The following COLEC11 variants were observed in gnomAD, a reference collection of about 807,000 sequenced individuals.
The protein encoded by COLEC11 is collectin subfamily member 11.
Under a neutral mutation model 27.3 loss-of-function variants are expected in COLEC11, and 20 were observed. The observed-to-expected ratio is 0.73, with a 90% CI of 0.51 to 1.06. The LOEUF is 1.06. Ranked by LOEUF, COLEC11 falls within the 50% of genes least tolerant of loss-of-function variation. The pLI is 0.00. For missense variants in COLEC11, 310 were observed against 383.0 expected, an observed-to-expected ratio of 0.81 and a Z score of 1.59; for synonymous variants, 163 against 154.7, an observed-to-expected ratio of 1.05 and a Z score of -0.40.
At chr2:3,639,087 C>T (rs984146293) in intron 4 of COLEC11, among the ~76,000 whole-genome samples, 1 of 152,192 alleles carries the variant, frequency 6.6e-6, no homozygotes, top group Admixed American at 6.5e-5. Flanking sequence ...TAGTTGATTT[C>T]ACTTGGTGTA....
rs115903137 is a variant in COLEC11 at position 3,610,158 on chromosome 2, C to T, written c.131-3153C>T. On this transcript the variant is annotated intron_variant, in intron 2 of 6. Transcript: ENST00000349077. ...GCAAGGTGTGGTAAAGACACACTGG[C>T]GTGCCAGCACATCCCAGCTTGGACA... Among the ~76,000 whole-genome samples, 656 of 152,338 alleles carry T rather than the reference C, an allele frequency of 4.3e-3. 2 individuals carry two copies. Among genetic ancestry groups the T allele is most frequent in the African/African-American group, 8.4e-3 (350 of 41,564 alleles).
intron 3 of COLEC11, among the ~76,000 whole-genome samples, chr2:3,623,311 T>C (rs1164922694): frequency 1.3e-5 from 2 of 152,214 alleles, no homozygotes; most frequent in East Asian, 3.8e-4. Context: ...AAGCTTCATG[T>C]ACCTTGATGT....
At chr2:3,641,023 C>T (rs543806878) in intron 5 of COLEC11, among the ~76,000 whole-genome samples, 18 of 102,276 alleles carry the variant, frequency 1.8e-4, no homozygotes, top group African/African-American at 6.6e-4. Context: ...TGGACACCCA[C>T]CCACCATGTA....
chr2:3,619,874 C>T (rs1265685544), intron 3 of COLEC11, among the ~76,000 whole-genome samples: 3 of 152,314 alleles, frequency 2.0e-5, no homozygotes, highest in African/African-American at 7.2e-5. Flanking sequence ...GATCCACCTG[C>T]CTTGGCCTCC....
At chr2:3,636,189 G>A (rs912205259) in intron 3 of COLEC11, among the ~76,000 whole-genome samples, 2 of 152,074 alleles carry the variant, frequency 1.3e-5, no homozygotes, top group Admixed American at 1.3e-4. Context: ...CGGGCGCAGT[G>A]GCTCACGCCG....
chr2:3,606,694 C>T (rs1350611551), intron 2 of COLEC11, among the ~76,000 whole-genome samples: 4 of 152,178 alleles, frequency 2.6e-5, no homozygotes, highest in African/African-American at 9.7e-5. Flanking sequence ...ACGTGCCCCG[C>T]GAGTCCGCAA....
chr2:3,625,015 T>A (rs1664432787), intron 3 of COLEC11, among the ~76,000 whole-genome samples: 1 of 152,216 alleles, frequency 6.6e-6, no homozygotes, highest in Admixed American at 6.5e-5. Flanking sequence ...TCATTAAACA[T>A]ACATTGACTA....
chr2:3,629,157 C>G (rs1027885863), intron 3 of COLEC11, among the ~76,000 whole-genome samples: 1 of 152,146 alleles, frequency 6.6e-6, no homozygotes, highest in Non-Finnish European at 1.5e-5. Flanking sequence ...CACTACTGTC[C>G]GGCCAAGGGT....
chr2:3,604,282 T>C, intron 1 of COLEC11, 33 bp from the exon 2 acceptor site: 1 of 1,612,012 alleles, frequency 6.2e-7, no homozygotes, highest in Non-Finnish European at 8.5e-7. Flanking sequence ...GCTGTTGCAG[T>C]TCCCATCACT....
chr2:3,638,988 C>T (rs1021288856), intron 4 of COLEC11, among the ~76,000 whole-genome samples: 4 of 152,198 alleles, frequency 2.6e-5, no homozygotes, highest in Non-Finnish European at 4.4e-5. Context: ...CCCCCAGCCC[C>T]GGTAACCTCC....
At chr2:3,625,783 C>T (rs1664510596) in intron 3 of COLEC11, among the ~76,000 whole-genome samples, 1 of 152,008 alleles carries the variant, frequency 6.6e-6, no homozygotes, top group Non-Finnish European at 1.5e-5. Flanking sequence ...CAGGCGCCCA[C>T]CACCACGCCC....
chr2:3,620,565 A>G (rs1486887488), intron 3 of COLEC11, among the ~76,000 whole-genome samples: 1 of 150,006 alleles, frequency 6.7e-6, no homozygotes, highest in African/African-American at 2.5e-5. Context: ...GATCTTCGTT[A>G]TTTCCTTACT....
intron 3 of COLEC11, chr2:3,617,803 C>T (rs1396629844): frequency 1.3e-6 from 1 of 770,144 alleles, no homozygotes; most frequent in African/African-American, 1.7e-5. Flanking sequence ...TTTTCCATTC[C>T]CACCAGCAAT....
chr2:3,600,961 G>C (rs1414775053), intron 1 of COLEC11, among the ~76,000 whole-genome samples: 1 of 152,222 alleles, frequency 6.6e-6, no homozygotes, highest in African/African-American at 2.4e-5. Flanking sequence ...TCACTGCACG[G>C]GGCGGGCTCC....
chr2:3,639,804 A>G (rs11895384), intron 4 of COLEC11, among the ~76,000 whole-genome samples: 28,041 of 152,172 alleles, frequency 0.18, 7,937 homozygotes, highest in African/African-American at 0.61. Context: ...CCAGGCTGCT[A>G]CGAGCAGGGA....
At chr2:3,637,144 C>T (rs114419370) in intron 3 of COLEC11, among the ~76,000 whole-genome samples, 3,530 of 152,168 alleles carry the variant, frequency 0.023, 117 homozygotes, top group African/African-American at 0.072. Flanking sequence ...GTTGTGGGTG[C>T]GTGGTTTGGT....
intron 3 of COLEC11, among the ~76,000 whole-genome samples, chr2:3,633,637 G>C (rs1244562407): frequency 6.6e-6 from 1 of 152,142 alleles, no homozygotes; most frequent in Non-Finnish European, 1.5e-5. Context: ...CTGACCGACG[G>C]GGGAGCGGCG....
intron 1 of COLEC11, among the ~76,000 whole-genome samples, chr2:3,595,827 G>A (rs916401090): frequency 5.3e-5 from 8 of 152,336 alleles, no homozygotes; most frequent in Middle Eastern, 6.8e-3. Flanking sequence ...TTAGAGCTGA[G>A]GTGATGTGGT....
At chr2:3,604,174 T>C (rs1662449262) in intron 1 of COLEC11, 141 bp from the exon 2 acceptor site, 7 of 852,248 alleles carry the variant, frequency 8.2e-6, no homozygotes, top group Middle Eastern at 6.7e-4. Flanking sequence ...CTTGAGTGAG[T>C]GAGGAGCACC....
Sources: allele counts gnomAD v4.1 joint callset (sites outside exome capture counted in the v4.1 genomes callset), GRCh38; gene constraint gnomAD v4.1.1; transcripts MANE v1.5; gene names NCBI Gene and HGNC (gene_info 2026-07-23, HGNC 2026-07-21).